FRMD4A: variants seen among roughly 807,000 people sequenced by gnomAD.
The protein encoded by FRMD4A is FERM domain containing 4A.
In FRMD4A, 29 loss-of-function variants were observed where a neutral mutation model predicts 129.1. That is an observed-to-expected ratio of 0.22 (90% CI 0.17 to 0.31). The LOEUF (loss-of-function observed/expected upper bound fraction) is 0.31, where lower values mean the gene tolerates loss of function less well. Among genes scored for constraint, FRMD4A ranks in the 10% least tolerant of loss-of-function variants. The pLI is 1.00. For synonymous variants in FRMD4A, 634 were observed against 571.6 expected (o/e 1.11, Z -1.56); for missense variants, 1,272 against 1,375.8 (o/e 0.92, Z 1.19).
intron 2 of FRMD4A, among the ~76,000 whole-genome samples, chr10:14,209,494 C>T (rs796956143): frequency 6.6e-5 from 10 of 151,988 alleles, no homozygotes; most frequent in African/African-American, 2.4e-4. Context: ...GCCTGTAATC[C>T]CAGCACTTTG....
At chr10:13,971,925 A>G (rs1341815558) in intron 2 of FRMD4A, 2 of 1,235,200 alleles carry the variant, frequency 1.6e-6, no homozygotes, top group South Asian at 2.8e-5. Flanking sequence ...TGCAGTCCAA[A>G]TAACTCTGAT....
intron 2 of FRMD4A, among the ~76,000 whole-genome samples, chr10:14,019,886 A>G (rs1310941766): frequency 6.6e-6 from 1 of 151,764 alleles, no homozygotes; most frequent in Non-Finnish European, 1.5e-5. Flanking sequence ...AACCTGCTTG[A>G]TTTCCTCTGT....
intron 2 of FRMD4A, among the ~76,000 whole-genome samples, chr10:14,056,391 C>G (rs768490446): frequency 4.0e-5 from 6 of 151,596 alleles, no homozygotes; most frequent in African/African-American, 1.5e-4. Flanking sequence ...TCTCCCCAAC[C>G]CCCCGTGATT....
chr10:14,290,286 A>T (rs1845810800), intron 2 of FRMD4A, among the ~76,000 whole-genome samples: 1 of 152,154 alleles, frequency 6.6e-6, no homozygotes, highest in African/African-American at 2.4e-5. Flanking sequence ...CTTGAGAAAG[A>T]AGAACAAAAC....
chr10:14,004,782 G>A (rs1038778394), intron 2 of FRMD4A, among the ~76,000 whole-genome samples: 1 of 152,118 alleles, frequency 6.6e-6, no homozygotes, highest in South Asian at 2.1e-4. Context: ...CATATGACTC[G>A]TAAATATTCA....
chr10:13,919,542 A>G (rs1254515189), intron 2 of FRMD4A, among the ~76,000 whole-genome samples: 2 of 152,138 alleles, frequency 1.3e-5, no homozygotes, highest in Admixed American at 1.3e-4. Context: ...ATAAAATTAA[A>G]TTTTTTAAAT....
chr10:14,021,725 G>C (rs1389560962), intron 2 of FRMD4A, among the ~76,000 whole-genome samples: 1 of 152,042 alleles, frequency 6.6e-6, no homozygotes, highest in African/African-American at 2.4e-5. Context: ...GGTTACACAG[G>C]GTGTTCATGT....
chr10:14,200,345 G>A (rs10047261), intron 2 of FRMD4A, among the ~76,000 whole-genome samples: 1,487 of 140,798 alleles, frequency 0.011, 34 homozygotes, highest in African/African-American at 0.027. Flanking sequence ...CCAGGCTGGA[G>A]TGCAGTGGTG....
At chr10:14,133,012 G>C (rs1218872812) in intron 2 of FRMD4A, among the ~76,000 whole-genome samples, 1 of 152,208 alleles carries the variant, frequency 6.6e-6, no homozygotes, top group African/African-American at 2.4e-5. Flanking sequence ...GCCATCATCA[G>C]TAAGATCAGA....
intron 2 of FRMD4A, among the ~76,000 whole-genome samples, chr10:14,166,082 T>A (rs1264211396): frequency 6.6e-6 from 1 of 151,576 alleles, no homozygotes; most frequent in Non-Finnish European, 1.5e-5. Context: ...TAAAATATTA[T>A]CTTAAAAATA....
chr10:14,092,228 C>A (rs558856457), intron 2 of FRMD4A, among the ~76,000 whole-genome samples: 73 of 152,306 alleles, frequency 4.8e-4, no homozygotes, highest in South Asian at 1.9e-3. Context: ...ACGTAGAACC[C>A]AACAGACAGT....
chr10:14,053,373 G>A (rs12268261), intron 2 of FRMD4A, among the ~76,000 whole-genome samples: 18,551 of 152,156 alleles, frequency 0.12, 1,575 homozygotes, highest in African/African-American at 0.23. Flanking sequence ...TGAGGATTAC[G>A]GGGCAAGGGT....
At chr10:14,114,208 A>T (rs1010363887) in intron 2 of FRMD4A, among the ~76,000 whole-genome samples, 1 of 152,166 alleles carries the variant, frequency 6.6e-6, no homozygotes, top group Non-Finnish European at 1.5e-5. Context: ...TTCATTCCCA[A>T]TTCCTTTTGG....
chr10:13,945,568 G>C (rs1373205985), intron 2 of FRMD4A, among the ~76,000 whole-genome samples: 1 of 152,082 alleles, frequency 6.6e-6, no homozygotes, highest in Non-Finnish European at 1.5e-5. Flanking sequence ...TAGTCGTAAA[G>C]TTTCAGATGT....
At chr10:14,222,680 G>C (rs940625529) in intron 2 of FRMD4A, among the ~76,000 whole-genome samples, 1 of 152,132 alleles carries the variant, frequency 6.6e-6, no homozygotes, top group African/African-American at 2.4e-5. Flanking sequence ...CCCCACTGCA[G>C]AATCAGGCCA....
At chr10:13,750,852 T>A (rs1291454882) in intron 8 of FRMD4A, among the ~76,000 whole-genome samples, 6 of 152,004 alleles carry the variant, frequency 3.9e-5, no homozygotes, top group Admixed American at 2.6e-4. Flanking sequence ...CCAAGTACAG[T>A]CGGTAATTTT....
chr10:14,234,723 C>T (rs1364876713), intron 2 of FRMD4A, among the ~76,000 whole-genome samples: 2 of 152,210 alleles, frequency 1.3e-5, no homozygotes, highest in Non-Finnish European at 1.5e-5. Flanking sequence ...CCAATTCTCC[C>T]GTATTAGGAT....
intron 15 of FRMD4A, chr10:13,684,449 G>C (rs2134777397): frequency 1.0e-6 from 1 of 985,316 alleles, no homozygotes; most frequent in South Asian, 4.7e-5. Flanking sequence ...TTCCAGCCGG[G>C]GAACTCCAGA....
chr10:13,935,475 A>AAAGG (rs2095241205), intron 2 of FRMD4A, among the ~76,000 whole-genome samples: 1 of 136,778 alleles, frequency 7.3e-6, no homozygotes, highest in Non-Finnish European at 1.6e-5. Context: ...AAAAAAAAAA[A>AAAGG]GTTGTTACCA....
Sources: gnomAD v4.1 joint callset for allele counts (sites outside exome capture counted in the v4.1 genomes callset) on GRCh38, gnomAD v4.1.1 for gene constraint, MANE v1.5 for transcripts, NCBI Gene and HGNC (gene_info 2026-07-23, HGNC 2026-07-21) for gene names.